Variants in SIPA1L1 observed in about 807,000 individuals in gnomAD.
SIPA1L1 encodes the protein signal-induced proliferation-associated 1-like protein 1.
Under a neutral mutation model 162.7 loss-of-function variants are expected in SIPA1L1, and 26 were observed. That is an observed-to-expected ratio of 0.16 (90% CI 0.12 to 0.22). SIPA1L1 has a LOEUF of 0.22. Ranked by LOEUF, SIPA1L1 falls within the 10% of genes least tolerant of loss-of-function variation. The pLI is 1.00. For missense variants in SIPA1L1, 1,874 were observed against 2,241.0 expected (o/e 0.84, Z 3.31); for synonymous variants, 829 against 837.4 (o/e 0.99, Z 0.17).
chr14:71,702,304 T>C, intron 14 of SIPA1L1, 77 bp from the exon 15 acceptor site: 2 of 1,518,828 alleles, frequency 1.3e-6, no homozygotes, highest in Non-Finnish European at 1.8e-6. Context: ...AAAATTTAGT[T>C]CATTACACCC....
intron 2 of SIPA1L1, among the ~76,000 whole-genome samples, chr14:71,485,009 C>T (rs2048638162): frequency 6.6e-6 from 1 of 152,126 alleles, no homozygotes; most frequent in Admixed American, 6.5e-5. Flanking sequence ...CCATCCCAGC[C>T]CTGTGGAATT....
intron 5 of SIPA1L1, among the ~76,000 whole-genome samples, chr14:71,615,239 A>C (rs1212239839): frequency 6.6e-6 from 1 of 152,190 alleles, no homozygotes; most frequent in Non-Finnish European, 1.5e-5. Flanking sequence ...CTGAAAGAGA[A>C]GTTTAGTATC....
At chr14:71,543,960 T>C (rs982722978) in intron 4 of SIPA1L1, among the ~76,000 whole-genome samples, 2 of 149,644 alleles carry the variant, frequency 1.3e-5, no homozygotes, top group African/African-American at 2.5e-5. Flanking sequence ...TACGCACATG[T>C]ATGTATATAT....
chr14:71,514,354 C>T (rs1212647969), intron 3 of SIPA1L1, among the ~76,000 whole-genome samples: 2 of 152,102 alleles, frequency 1.3e-5, no homozygotes, highest in African/African-American at 2.4e-5. Context: ...TTGTACATAA[C>T]GCTTGCCTGA....
intron 7 of SIPA1L1, among the ~76,000 whole-genome samples, chr14:71,647,501 C>T (rs998711903): frequency 6.6e-6 from 1 of 151,982 alleles, no homozygotes; most frequent in East Asian, 1.9e-4. Context: ...AATTCAGTGT[C>T]GCTGTAATGC....
At chr14:71,393,340 G>A (rs1164055595) in intron 2 of SIPA1L1, among the ~76,000 whole-genome samples, 1 of 152,198 alleles carries the variant, frequency 6.6e-6, no homozygotes, top group Non-Finnish European at 1.5e-5. Context: ...ATATTAATAT[G>A]CATTTGAAAG....
chr14:71,567,971 G>GC (rs2031087023), intron 4 of SIPA1L1, among the ~76,000 whole-genome samples: 1 of 152,226 alleles, frequency 6.6e-6, no homozygotes, highest in African/African-American at 2.4e-5. Flanking sequence ...CTTTTAGCAT[G>GC]CTAATGTATT....
chr14:71,673,054 T>C (rs1011583110), intron 12 of SIPA1L1, among the ~76,000 whole-genome samples: 2 of 152,252 alleles, frequency 1.3e-5, no homozygotes, highest in African/African-American at 4.8e-5. Flanking sequence ...AACTCAGCAA[T>C]TGTTTGGACC....
At chr14:71,611,673 T>TAAC (rs750621586) in intron 5 of SIPA1L1, among the ~76,000 whole-genome samples, 10 of 152,112 alleles carry the variant, frequency 6.6e-5, no homozygotes, top group African/African-American at 1.2e-4. Flanking sequence ...TCTGTTACTG[T>TAAC]GTTAGTTTGC....
At chr14:71,525,640 A>G (rs574830043) in intron 3 of SIPA1L1, among the ~76,000 whole-genome samples, 1 of 152,340 alleles carries the variant, frequency 6.6e-6, no homozygotes, top group South Asian at 2.1e-4. Flanking sequence ...CACGTTTGCT[A>G]CTTCACTTGA....
chr14:71,402,689 C>T (rs1013136119), intron 2 of SIPA1L1, among the ~76,000 whole-genome samples: 1 of 152,046 alleles, frequency 6.6e-6, no homozygotes, highest in Non-Finnish European at 1.5e-5. Flanking sequence ...TATACTCCTT[C>T]CTAAAATAGA....
chr14:71,694,506 C>G (rs991780776), intron 13 of SIPA1L1, among the ~76,000 whole-genome samples: 1 of 151,904 alleles, frequency 6.6e-6, no homozygotes, highest in Non-Finnish European at 1.5e-5. Flanking sequence ...AAAAAAAGCC[C>G]TGGTGTTTTA....
intron 17 of SIPA1L1, among the ~76,000 whole-genome samples, chr14:71,711,838 A>G (rs1455105419): frequency 6.6e-6 from 1 of 152,238 alleles, no homozygotes; most frequent in Non-Finnish European, 1.5e-5. Flanking sequence ...TTGAAAGTCA[A>G]ACTTACTAGA....
chr14:71,633,140 ATGTTATGTTATGTTATGTTC>A (rs1027142316), intron 7 of SIPA1L1, among the ~76,000 whole-genome samples: 8 of 140,424 alleles, frequency 5.7e-5, no homozygotes, highest in African/African-American at 1.1e-4. Flanking sequence ...ATGTTATGTT[ATGTTATGTTATGTTATGTTC>A]TGTTCTGTTC....
rs575135299 is a variant in SIPA1L1, at chr14:71,350,541, A to G, written c.-465+29360A>G. On this transcript the variant is annotated intron_variant, in intron 2 of 23. Transcript: ENST00000381232. ...AAGGACTTGGGGCTTTTATACGCCT[A>G]GGGGAGCCCTGGAAAGATTTTAAAT... Among the ~76,000 whole-genome samples, 10 of 152,212 alleles carry G rather than the reference A, an allele frequency of 6.6e-5. No homozygotes were observed. The South Asian group carries it at 8.3e-4, about 13-fold the overall frequency.
chr14:71,554,022 T>C (rs1567198069), intron 4 of SIPA1L1, among the ~76,000 whole-genome samples: 1 of 152,232 alleles, frequency 6.6e-6, no homozygotes, highest in Non-Finnish European at 1.5e-5. Flanking sequence ...CTTTCAAATG[T>C]AGCAAGAATG....
Position 71,739,391 on chromosome 14 carries a change from G to T in SIPA1L1, c.*230G>T. ...AAAAATTTTAAACAGTAAAATAAAAGTTTAACTGCTAAAATGTGAATGTCT... is the reference window on the plus strand; with the variant it reads ...AAAAATTTTAAACAGTAAAATAAAATTTTAACTGCTAAAATGTGAATGTCT... On this transcript the variant is annotated 3_prime_UTR_variant, in exon 24 of 24. Coordinates refer to ENST00000381232, the MANE Select transcript of SIPA1L1 (RefSeq NM_001386936.1). 1 of 317,402 alleles carries T rather than the reference G, an allele frequency of 3.2e-6. No individual in the cohort carries two copies. The highest frequency in any genetic ancestry group is 2.1e-5 in the African/African-American group (1 of 47,282). The allele number at this position is 317,402 out of a possible 1,614,324, so 19.7% of individuals were successfully genotyped here.
chr14:71,570,766 A>G (rs567372051), intron 4 of SIPA1L1, among the ~76,000 whole-genome samples: 1 of 152,334 alleles, frequency 6.6e-6, no homozygotes, highest in East Asian at 1.9e-4. Flanking sequence ...TACTGCATTC[A>G]TGAAACAAGA....
At chr14:71,368,701 G>GTATT (rs1172305203) in intron 2 of SIPA1L1, among the ~76,000 whole-genome samples, 42 of 94,410 alleles carry the variant, frequency 4.4e-4, no homozygotes, top group Admixed American at 5.0e-4. Context: ...GGGTCAAATG[G>GTATT]TATTTCTAGT....
Sources: allele counts gnomAD v4.1 joint callset (sites outside exome capture counted in the v4.1 genomes callset), GRCh38; gene constraint gnomAD v4.1.1; transcripts MANE v1.5; gene names NCBI Gene and HGNC (gene_info 2026-07-23, HGNC 2026-07-21).